The following ATP5F1C variants were observed in gnomAD, a reference collection of about 807,000 sequenced individuals.
ATP5F1C encodes ATP synthase F(1) complex subunit gamma, mitochondrial.
In ATP5F1C, 22 loss-of-function variants were observed where a neutral mutation model predicts 37.4. The ratio of observed to expected loss-of-function variants is 0.59; its 90% CI spans 0.42 to 0.84. ATP5F1C has a LOEUF of 0.84. ATP5F1C is among the 40% of genes least tolerant of loss of function. The pLI is 0.00. For synonymous variants in ATP5F1C, 121 were observed against 128.0 expected, an observed-to-expected ratio of 0.95 and a Z score of 0.37; for missense variants, 286 against 362.4, an observed-to-expected ratio of 0.79 and a Z score of 1.71.
chr10:7,798,430 G>A (rs987416703), intron 3 of ATP5F1C, among the ~76,000 whole-genome samples: 5 of 151,676 alleles, frequency 3.3e-5, no homozygotes, highest in South Asian at 2.1e-4. Context: ...TTTCTGAGTC[G>A]GAGTCTAGCT....
At chr10:7,800,150 C>T in intron 6 of ATP5F1C, 59 bp downstream of exon 6, 1 of 1,481,880 alleles carries the variant, frequency 6.7e-7, no homozygotes, top group Non-Finnish European at 9.4e-7. Context: ...GATTTGTACA[C>T]TAAGGCAGAC....
chr10:7,796,070 A>C, intron 1 of ATP5F1C, 51 bp from the exon 2 acceptor site: 1 of 1,430,552 alleles, frequency 7.0e-7, no homozygotes, highest in Non-Finnish European at 9.6e-7. Context: ...TTCTTGTATA[A>C]TGGAACTATT....
chr10:7,799,037 C>T lies in ATP5F1C; in HGVS notation c.271C>T (p.His91Tyr), dbSNP rs781236273. 2 of 1,612,542 alleles carry T rather than the reference C, an allele frequency of 1.2e-6. No homozygotes were observed. Among genetic ancestry groups the T allele is most frequent in the Admixed American group, 1.7e-5 (1 of 60,016 alleles). Reference sequence around the variant, plus strand: ...CAAGGGGCCTGAAGACAAGAAGAAACACCTCCTTATTGGTGTGTCCTCAGA... The same window carrying T: ...CAAGGGGCCTGAAGACAAGAAGAAATACCTCCTTATTGGTGTGTCCTCAGA... ...DIKGPEDKKK[H>Y]LLIGVSSDRG... Residue 91 changes from histidine to tyrosine, a missense_variant, in exon 4 of 10, where the codon CAC becomes TAC. Physicochemically the swap from His to Tyr is moderately conservative, Grantham distance 83. Transcript: ENST00000356708.
chr10:7,800,368 T>G (rs1017489721), intron 6 of ATP5F1C, among the ~76,000 whole-genome samples: 6 of 149,390 alleles, frequency 4.0e-5, no homozygotes, highest in African/African-American at 1.5e-4. Flanking sequence ...GCTAATTTTT[T>G]GTATTTTTAG....
intron 4 of ATP5F1C, 134 bp from the exon 5 acceptor site, chr10:7,799,638 A>G (rs1035010254): frequency 2.1e-6 from 2 of 965,604 alleles, no homozygotes; most frequent in South Asian, 1.7e-5. Context: ...GTGTGGAACA[A>G]CTCAGGAAAT....
At chr10:7,788,486 G>T (rs1054589694) in intron 1 of ATP5F1C, among the ~76,000 whole-genome samples, 42 of 152,334 alleles carry the variant, frequency 2.8e-4, no homozygotes, top group African/African-American at 8.4e-4. Context: ...GTCCCGCCCG[G>T]TTCCCTGAGG....
chr10:7,807,183 T>C (rs1836498775), intron 9 of ATP5F1C, among the ~76,000 whole-genome samples, 173 bp downstream of exon 9: 1 of 152,218 alleles, frequency 6.6e-6, no homozygotes, highest in African/African-American at 2.4e-5. Context: ...GACTTTTTTG[T>C]AGTGAGTGTG....
At chr10:7,796,819 C>T (rs539603783) in intron 2 of ATP5F1C, 204 of 338,186 alleles carry the variant, frequency 6.0e-4, no homozygotes, top group African/African-American at 4.1e-3. Flanking sequence ...CTCCTGACCT[C>T]GTGATCCGCC....
intron 8 of ATP5F1C, chr10:7,804,251 T>C (rs1261253488): frequency 1.9e-6 from 1 of 515,862 alleles, no homozygotes; most frequent in Non-Finnish European, 3.9e-6. Flanking sequence ...GACAGTGTTA[T>C]GAGGAAAATA....
chr10:7,805,664 A>G (rs1047328864), intron 8 of ATP5F1C, among the ~76,000 whole-genome samples: 1 of 146,206 alleles, frequency 6.8e-6, no homozygotes, highest in Non-Finnish European at 1.5e-5. Flanking sequence ...GGAGAATGGC[A>G]TGAACCTGGG....
chr10:7,799,262 T>C (rs112785663), intron 4 of ATP5F1C, 68 bp downstream of exon 4: 60,747 of 1,468,478 alleles, frequency 0.041, 1,415 homozygotes, highest in Non-Finnish European at 0.047. Context: ...CTCAAAAGTT[T>C]TGACAAACTC....
intron 1 of ATP5F1C, among the ~76,000 whole-genome samples, chr10:7,792,642 A>C (rs928002575): frequency 6.6e-6 from 1 of 152,148 alleles, no homozygotes; most frequent in Non-Finnish European, 1.5e-5. Context: ...CTCCCTTAGC[A>C]GTATGCACTT....
At chr10:7,793,869 G>T (rs1836198185) in intron 1 of ATP5F1C, among the ~76,000 whole-genome samples, 1 of 152,140 alleles carries the variant, frequency 6.6e-6, no homozygotes, top group South Asian at 2.1e-4. Context: ...CCATTTGTTT[G>T]TTGAAAAGAA....
In ATP5F1C at chr10:7,802,251, T is replaced by C. The variant is rs1369839405; in HGVS notation, c.638-19T>C. The C allele has an allele frequency of 6.3e-7, 1 of 1,586,798 alleles. No homozygotes were observed. Among genetic ancestry groups the C allele is most frequent in the Non-Finnish European group, 8.6e-7 (1 of 1,168,270 alleles). On this transcript the variant is annotated intron_variant, in intron 6 of 9. Coordinates refer to ENST00000356708, the MANE Select transcript of ATP5F1C (RefSeq NM_001001973.3). ...TCCTTCCATATAACTTGAAAGAAAC[T>C]CATCACTTGTTTTAACAGACAGCAT...
chr10:7,796,073 G>A, intron 1 of ATP5F1C, 48 bp from the exon 2 acceptor site: 1 of 1,447,778 alleles, frequency 6.9e-7, no homozygotes, highest in East Asian at 2.3e-5. Context: ...TTGTATAATG[G>A]AACTATTTTT....
intron 3 of ATP5F1C, among the ~76,000 whole-genome samples, chr10:7,798,783 G>A (rs1299526019): frequency 2.0e-5 from 3 of 152,008 alleles, no homozygotes; most frequent in Admixed American, 2.0e-4. Context: ...CGCCCACCTC[G>A]GCCTCCCAAA....
At chr10:7,798,567 T>C (rs1339157692) in intron 3 of ATP5F1C, among the ~76,000 whole-genome samples, 1 of 152,164 alleles carries the variant, frequency 6.6e-6, no homozygotes, top group Non-Finnish European at 1.5e-5. Context: ...CCACCACGCC[T>C]GGCTAATTTT....
At chr10:7,788,391 T>G in intron 1 of ATP5F1C, 128 bp downstream of exon 1, 2 of 1,330,202 alleles carry the variant, frequency 1.5e-6, no homozygotes, top group Non-Finnish European at 2.1e-6. Context: ...CCCTGGCCCG[T>G]CGGAGGCGCC....
chr10:7,799,130 A>G lies in ATP5F1C; in HGVS notation c.364A>G (p.Thr122Ala), dbSNP rs765422328. 1 of 1,614,038 alleles carries G rather than the reference A, an allele frequency of 6.2e-7. No individual in the cohort carries two copies. Among genetic ancestry groups the G allele is most frequent in the African/African-American group, 1.3e-5 (1 of 75,040 alleles). Residue 122 changes from threonine to alanine, a missense_variant, in exon 4 of 10, where the codon ACA becomes GCA. Physicochemically the swap from Thr to Ala is moderately conservative, Grantham distance 58. Coordinates refer to ENST00000356708, the MANE Select transcript of ATP5F1C (RefSeq NM_001001973.3). Reference sequence around the variant, plus strand: ...GATGAAAAGCGAGGTTGCTACACTAACAGCAGCTGGGAAAGAAGTTATGCT... The same window carrying G: ...GATGAAAAGCGAGGTTGCTACACTAGCAGCAGCTGGGAAAGAAGTTATGCT... ...KQMKSEVATL[T>A]AAGKEVMLVG...
Sources: allele counts gnomAD v4.1 joint callset (sites outside exome capture counted in the v4.1 genomes callset), GRCh38; gene constraint gnomAD v4.1.1; transcripts MANE v1.5; gene names NCBI Gene and HGNC (gene_info 2026-07-23, HGNC 2026-07-21).